The following FAT4 variants were observed in gnomAD, a reference collection of about 807,000 sequenced individuals.
The protein encoded by FAT4 is FAT atypical cadherin 4, also known as protocadherin Fat 4.
FAT4 carries 84 observed loss-of-function variants against 303.9 expected under a neutral mutation model. The observed-to-expected ratio is 0.28, with a 90% CI of 0.23 to 0.33. The LOEUF (loss-of-function observed/expected upper bound fraction) is 0.33. Among genes scored for constraint, FAT4 ranks in the 10% least tolerant of loss-of-function variants. FAT4 has a pLI of 1.00. For synonymous variants in FAT4, 2,307 were observed against 2,298.8 expected, an observed-to-expected ratio of 1.00 and a Z score of -0.10; for missense variants, 6,005 against 6,146.8, an observed-to-expected ratio of 0.98 and a Z score of 0.77.
rs749170422 is a variant in FAT4 at position 125,448,709 on chromosome 4, C to T, written c.7699C>T (p.Pro2567Ser). The stretch of plus-strand genomic sequence containing the variant: ...TAGATTCGTGAATAAGGCCGATTTC[C>T]CTAAAGTGAGAGCCAAAGAACAAAC... ...TVRFVNKADF[P>S]KVRAKEQTFM... is the part of the protein sequence containing the mutation. Residue 2567 changes from proline (P) to serine (S), a missense_variant, in exon 10 of 18, where the codon CCT becomes TCT. Pro to Ser is a moderately conservative substitution (Grantham distance 74). Coordinates refer to ENST00000394329, the MANE Select transcript of FAT4 (RefSeq NM_001291303.3). 1.2e-6 allele frequency: 2 copies of T among 1,613,870 alleles called. No homozygotes were observed. The highest frequency in any genetic ancestry group is 2.2e-5 in the East Asian group (1 of 44,854).
At chr4:125,359,591 A>G (rs557616080) in intron 2 of FAT4, among the ~76,000 whole-genome samples, 1 of 152,308 alleles carries the variant, frequency 6.6e-6, no homozygotes, top group African/African-American at 2.4e-5. Flanking sequence ...TAATCCTATT[A>G]TCTTCTAATT....
At chr4:125,376,179 G>T (rs151157885) in intron 2 of FAT4, among the ~76,000 whole-genome samples, 5 of 152,164 alleles carry the variant, frequency 3.3e-5, no homozygotes, top group Non-Finnish European at 7.4e-5. Context: ...CACCTACAAA[G>T]ATTTTACCAA....
At chr4:125,431,694 G>A (rs988340007) in intron 7 of FAT4, among the ~76,000 whole-genome samples, 5 of 152,088 alleles carry the variant, frequency 3.3e-5, no homozygotes, top group African/African-American at 1.2e-4. Flanking sequence ...GATTTTTAGT[G>A]AGTAGAGTGA....
At chr4:125,460,813 G>A (rs991066420) in intron 10 of FAT4, among the ~76,000 whole-genome samples, 1 of 152,108 alleles carries the variant, frequency 6.6e-6, no homozygotes, top group Non-Finnish European at 1.5e-5. Context: ...TAATGGGATT[G>A]TTGGGTCAAA....
intron 2 of FAT4, among the ~76,000 whole-genome samples, chr4:125,372,969 C>T (rs1733182233): frequency 6.6e-6 from 1 of 152,038 alleles, no homozygotes. Context: ...AAACTCTAAG[C>T]CCGACAACTT....
intron 8 of FAT4, among the ~76,000 whole-genome samples, chr4:125,439,252 A>G (rs1725562384): frequency 6.6e-6 from 1 of 151,840 alleles, no homozygotes; most frequent in Admixed American, 6.6e-5. Context: ...TTCAAGCCCC[A>G]CTTCTAATTC....
chr4:125,469,768 A>G (rs1293261012), intron 12 of FAT4, among the ~76,000 whole-genome samples: 1 of 152,194 alleles, frequency 6.6e-6, no homozygotes, highest in Admixed American at 6.5e-5. Flanking sequence ...GAAGTCTGGA[A>G]GCCCTCAAGC....
intron 10 of FAT4, among the ~76,000 whole-genome samples, chr4:125,459,371 G>A (rs900619446): frequency 1.6e-4 from 25 of 151,960 alleles, no homozygotes; most frequent in Admixed American, 1.6e-3. Context: ...TGTTCAACAC[G>A]TCATCACATC....
At chr4:125,354,088 A>G (rs562563663) in intron 2 of FAT4, among the ~76,000 whole-genome samples, 4 of 151,872 alleles carry the variant, frequency 2.6e-5, no homozygotes, top group Admixed American at 1.3e-4. Context: ...CTATGTATCA[A>G]AGACAAAGGT....
intron 2 of FAT4, among the ~76,000 whole-genome samples, chr4:125,332,768 T>A (rs1314905229): frequency 6.6e-6 from 1 of 152,134 alleles, no homozygotes; most frequent in African/African-American, 2.4e-5. Flanking sequence ...AAACTATCTA[T>A]CTTTCGAAAC....
At chr4:125,386,525 C>T (rs969040893) in intron 2 of FAT4, among the ~76,000 whole-genome samples, 1 of 152,136 alleles carries the variant, frequency 6.6e-6, no homozygotes, top group Non-Finnish European at 1.5e-5. Flanking sequence ...CTACCTTGGC[C>T]TCCCAAAGTG....
intron 2 of FAT4, among the ~76,000 whole-genome samples, chr4:125,336,256 A>G (rs1056017962): frequency 5.3e-5 from 8 of 152,094 alleles, no homozygotes; most frequent in African/African-American, 1.7e-4. Flanking sequence ...AACCAAGAAC[A>G]GAAGGGTTAT....
intron 2 of FAT4, among the ~76,000 whole-genome samples, chr4:125,383,441 C>A (rs971086474): frequency 1.3e-5 from 2 of 152,094 alleles, no homozygotes; most frequent in African/African-American, 4.8e-5. Flanking sequence ...TTTATCCATC[C>A]AGTTCACTGT....
chr4:125,426,452 G>T (rs938118371), intron 7 of FAT4, among the ~76,000 whole-genome samples: 7 of 152,114 alleles, frequency 4.6e-5, no homozygotes, highest in South Asian at 4.1e-4. Flanking sequence ...ATTTGTCATA[G>T]ATGGGAATCT....
intron 2 of FAT4, among the ~76,000 whole-genome samples, chr4:125,358,711 G>A (rs1732533885): frequency 6.6e-6 from 1 of 152,090 alleles, no homozygotes; most frequent in Non-Finnish European, 1.5e-5. Flanking sequence ...CTGCTGTGTG[G>A]CCCAGTTCAT....
At chr4:125,361,670 C>A (rs967193411) in intron 2 of FAT4, among the ~76,000 whole-genome samples, 1 of 152,048 alleles carries the variant, frequency 6.6e-6, no homozygotes, top group African/African-American at 2.4e-5. Flanking sequence ...ACAGAAGCCA[C>A]ACAGAGAAAG....
intron 2 of FAT4, among the ~76,000 whole-genome samples, chr4:125,356,104 G>C (rs995893838): frequency 1.3e-5 from 2 of 152,000 alleles, no homozygotes; most frequent in Admixed American, 6.6e-5. Flanking sequence ...ATTTCAAAGA[G>C]GAAAGAAGCA....
intron 2 of FAT4, among the ~76,000 whole-genome samples, chr4:125,394,668 G>A (rs553457695): frequency 8.4e-4 from 128 of 152,078 alleles, no homozygotes; most frequent in African/African-American, 3.0e-3. Context: ...TTTATATAAC[G>A]TTTTAAAATA....
intron 7 of FAT4, among the ~76,000 whole-genome samples, chr4:125,420,825 T>C (rs2126032455): frequency 6.6e-6 from 1 of 152,342 alleles, no homozygotes; most frequent in East Asian, 1.9e-4. Flanking sequence ...TCTAGACAGG[T>C]CGTATTGCTA....
Sources: gnomAD v4.1 joint callset for allele counts (sites outside exome capture counted in the v4.1 genomes callset) on GRCh38, gnomAD v4.1.1 for gene constraint, MANE v1.5 for transcripts, NCBI Gene and HGNC (gene_info 2026-07-23, HGNC 2026-07-21) for gene names.